Variants in KCNJ3 observed in about 807,000 individuals in gnomAD.
The protein encoded by KCNJ3 is potassium inwardly rectifying channel subfamily J member 3, also known as G protein-activated inward rectifier potassium channel 1.
Under a neutral mutation model 39.2 loss-of-function variants are expected in KCNJ3, and 4 were observed. That is an observed-to-expected ratio of 0.10 (90% CI 0.05 to 0.23). KCNJ3 has a LOEUF of 0.23. Among genes scored for constraint, KCNJ3 ranks in the 10% least tolerant of loss-of-function variants. The pLI, the probability that KCNJ3 is intolerant of heterozygous loss-of-function variation, is 1.00. For synonymous variants in KCNJ3, 230 were observed against 237.4 expected (o/e 0.97, Z 0.29); for missense variants, 276 against 634.9 (o/e 0.43, Z 6.08).
intron 2 of KCNJ3, among the ~76,000 whole-genome samples, chr2:154,760,732 T>G (rs7592615): frequency 1.0e-3 from 146 of 143,474 alleles, no homozygotes; most frequent in African/African-American, 3.8e-3. Context: ...TTTTCTTTTT[T>G]TTCTTTTTTT....
intron 2 of KCNJ3, among the ~76,000 whole-genome samples, chr2:154,843,778 T>C (rs966039484): frequency 6.6e-6 from 1 of 152,232 alleles, no homozygotes; most frequent in African/African-American, 2.4e-5. Flanking sequence ...GCCATGGTTT[T>C]CAGCTCCATC....
chr2:154,833,207 G>A (rs1489975050), intron 2 of KCNJ3, among the ~76,000 whole-genome samples: 1 of 152,220 alleles, frequency 6.6e-6, no homozygotes, highest in Non-Finnish European at 1.5e-5. Context: ...TGGCTGAAAT[G>A]TAGCATGTAA....
chr2:154,759,924 G>A (rs1023522184), intron 2 of KCNJ3, among the ~76,000 whole-genome samples: 1 of 152,054 alleles, frequency 6.6e-6, no homozygotes, highest in Non-Finnish European at 1.5e-5. Flanking sequence ...ATTAACCAGC[G>A]TCACTGAAAT....
chr2:154,757,778 C>T (rs1194482341), intron 2 of KCNJ3, among the ~76,000 whole-genome samples: 2 of 152,122 alleles, frequency 1.3e-5, no homozygotes, highest in Non-Finnish European at 2.9e-5. Flanking sequence ...CTCTCCACTT[C>T]AGTGGTGGTG....
At chr2:154,837,777 A>G (rs1022416918) in intron 2 of KCNJ3, among the ~76,000 whole-genome samples, 19 of 152,160 alleles carry the variant, frequency 1.2e-4, no homozygotes, top group Non-Finnish European at 2.1e-4. Flanking sequence ...TTATATGTTG[A>G]CTGGTGATGC....
chr2:154,815,570 A>G (rs981469670), intron 2 of KCNJ3, among the ~76,000 whole-genome samples: 5 of 152,206 alleles, frequency 3.3e-5, no homozygotes, highest in African/African-American at 1.2e-4. Context: ...GTATTAATTA[A>G]CCCAGTATAG....
intron 2 of KCNJ3, among the ~76,000 whole-genome samples, chr2:154,729,632 G>C: frequency 6.6e-6 from 1 of 152,084 alleles, no homozygotes; most frequent in East Asian, 1.9e-4. Context: ...GCAGTATATG[G>C]CTTATAATGT....
chr2:154,779,586 T>C (rs1686400264), intron 2 of KCNJ3, among the ~76,000 whole-genome samples: 1 of 148,340 alleles, frequency 6.7e-6, no homozygotes, highest in Non-Finnish European at 1.5e-5. Context: ...CTCTATATCC[T>C]AGGCTGGAGT....
intron 2 of KCNJ3, among the ~76,000 whole-genome samples, chr2:154,822,713 T>A (rs546279172): frequency 6.6e-6 from 1 of 152,130 alleles, no homozygotes; most frequent in African/African-American, 2.4e-5. Context: ...TAGATATTTT[T>A]AAATATATAA....
intron 2 of KCNJ3, among the ~76,000 whole-genome samples, chr2:154,790,827 G>A (rs532134882): frequency 1.3e-5 from 2 of 152,192 alleles, no homozygotes; most frequent in South Asian, 4.1e-4. Context: ...TGGGAGTCCT[G>A]AGAGGTCTGC....
At chr2:154,781,796 A>G (rs1267131177) in intron 2 of KCNJ3, among the ~76,000 whole-genome samples, 1 of 152,212 alleles carries the variant, frequency 6.6e-6, no homozygotes, top group Non-Finnish European at 1.5e-5. Flanking sequence ...ATTATGATGT[A>G]AATGTGGAGT....
In KCNJ3 at chr2:154,809,762, A is replaced by G. The variant is rs189700008; in HGVS notation, c.920-44965A>G. Among the ~76,000 whole-genome samples, 4 of 152,300 alleles carry G rather than the reference A, an allele frequency of 2.6e-5. No individual in the cohort carries two copies. The East Asian group carries it at 7.7e-4, about 29-fold the overall frequency. ...CTTATCCACAATAATTTTTTTGCCT[A>G]ATACTCAAAAAGCAAACATTGCATA... On this transcript the variant is annotated intron_variant, in intron 2 of 2. Coordinates refer to ENST00000295101, the MANE Select transcript of KCNJ3 (RefSeq NM_002239.4).
At chr2:154,800,767 T>C (rs1162777283) in intron 2 of KCNJ3, among the ~76,000 whole-genome samples, 1 of 152,198 alleles carries the variant, frequency 6.6e-6, no homozygotes, top group African/African-American at 2.4e-5. Flanking sequence ...TTAAATCCCA[T>C]TTAAACAATA....
At chr2:154,740,558 C>A (rs908737503) in intron 2 of KCNJ3, among the ~76,000 whole-genome samples, 2 of 151,868 alleles carry the variant, frequency 1.3e-5, no homozygotes, top group African/African-American at 4.8e-5. Flanking sequence ...TAGCATCTGT[C>A]CCCTTGGCAT....
intron 2 of KCNJ3, among the ~76,000 whole-genome samples, chr2:154,775,638 T>C (rs1470069984): frequency 2.0e-5 from 3 of 152,232 alleles, no homozygotes; most frequent in Admixed American, 1.3e-4. Flanking sequence ...ACTAATTGAA[T>C]TTAGAACACA....
intron 2 of KCNJ3, among the ~76,000 whole-genome samples, chr2:154,781,236 T>G (rs1686433177): frequency 6.6e-6 from 1 of 152,138 alleles, no homozygotes; most frequent in Admixed American, 6.5e-5. Context: ...ATGTTTCAGG[T>G]TTTTAATTTA....
At chr2:154,840,920 T>C (rs555925723) in intron 2 of KCNJ3, among the ~76,000 whole-genome samples, 45 of 152,288 alleles carry the variant, frequency 3.0e-4, no homozygotes, top group Middle Eastern at 3.4e-3. Flanking sequence ...CTGAATACCC[T>C]TTATTTCTTT....
intron 2 of KCNJ3, among the ~76,000 whole-genome samples, chr2:154,838,158 A>ACTT (rs1455346751): frequency 1.3e-5 from 2 of 152,222 alleles, no homozygotes; most frequent in African/African-American, 2.4e-5. Flanking sequence ...ATCAGGAATG[A>ACTT]CTTCATAAAA....
chr2:154,725,026 G>T (rs752244235), intron 2 of KCNJ3, among the ~76,000 whole-genome samples: 4 of 149,894 alleles, frequency 2.7e-5, no homozygotes, highest in African/African-American at 4.9e-5. Context: ...TCCCTTGGGA[G>T]ATTCTTCTGC....
Sources: allele counts gnomAD v4.1 joint callset (sites outside exome capture counted in the v4.1 genomes callset), GRCh38; gene constraint gnomAD v4.1.1; transcripts MANE v1.5; gene names NCBI Gene and HGNC (gene_info 2026-07-23, HGNC 2026-07-21).